The following ACSBG1 variants were observed in gnomAD, a reference collection of about 807,000 sequenced individuals.
The protein encoded by ACSBG1 is long-chain-fatty-acid--CoA ligase ACSBG1.
A neutral mutation model predicts 80.2 loss-of-function variants in ACSBG1; 39 were observed. That is an observed-to-expected ratio of 0.49 (90% confidence interval 0.38 to 0.64). The LOEUF (loss-of-function observed/expected upper bound fraction) is 0.64, where lower values mean the gene tolerates loss of function less well. ACSBG1 is among the 30% of genes least tolerant of loss of function. The pLI is 0.00. For synonymous variants in ACSBG1, 392 were observed against 379.5 expected (o/e 1.03, Z -0.38); for missense variants, 828 against 966.4 (o/e 0.86, Z 1.90).
At chr15:78,212,144 T>C (rs2075272123) in intron 1 of ACSBG1, among the ~76,000 whole-genome samples, 1 of 152,204 alleles carries the variant, frequency 6.6e-6, no homozygotes, top group Non-Finnish European at 1.5e-5. Flanking sequence ...CTGTTGTGTA[T>C]GAAGTAGGTG....
At chr15:78,187,039 C>T (rs2075011244) in intron 5 of ACSBG1, among the ~76,000 whole-genome samples, 2 of 152,136 alleles carry the variant, frequency 1.3e-5, no homozygotes, top group Non-Finnish European at 2.9e-5. Flanking sequence ...GAGAATACTA[C>T]AAACACCTCT....
chr15:78,180,562 G>A (rs749468575), intron 9 of ACSBG1, among the ~76,000 whole-genome samples, 193 bp downstream of exon 9: 12 of 152,110 alleles, frequency 7.9e-5, no homozygotes, highest in African/African-American at 1.2e-4. Flanking sequence ...AAGGTGGAGC[G>A]ACTGTCCCCA....
In ACSBG1 at chr15:78,172,046, C is replaced by T; in HGVS notation, c.2090-517G>A. The T allele has an allele frequency of 6.5e-6, 1 of 152,960 alleles. No homozygotes were observed. The highest frequency in any genetic ancestry group is 1.5e-5 in the Non-Finnish European group (1 of 68,484). 9.5% of individuals were successfully genotyped at this position (152,960 alleles called of 1,614,324 possible). A position where few individuals can be genotyped will look rare whatever the true frequency, so the allele number is the denominator to read the frequency against. ...CACAGCCCATGAGAGGCCCACTGGC[C>T]ACACACGGATGTTTCTGGCCAGCAG... On this transcript the variant is annotated intron_variant, in intron 13 of 13. Coordinates refer to ENST00000258873, the MANE Select transcript of ACSBG1 (RefSeq NM_015162.5). The surrounding 1 kb of genome is among the most constrained non-coding windows in gnomAD (Gnocchi z 4.1).
chr15:78,233,792 ATGGACAGGGCCTGGGCCAGGGTGGGCAT>A (rs2075469629), intron 1 of ACSBG1, among the ~76,000 whole-genome samples: 1 of 152,194 alleles, frequency 6.6e-6, no homozygotes, highest in African/African-American at 2.4e-5. Flanking sequence ...TACTCCCTGG[ATGGACAGGGCCTGGGCCAGGGTGGGCAT>A]TGGTGAATGC....
intron 2 of ACSBG1, among the ~76,000 whole-genome samples, chr15:78,195,655 C>T (rs935761705): frequency 6.6e-6 from 1 of 152,176 alleles, no homozygotes; most frequent in African/African-American, 2.4e-5. Context: ...ATGGCTGGTG[C>T]TCCATAAATG....
At chr15:78,198,876 G>A (rs2075140209) in intron 2 of ACSBG1, among the ~76,000 whole-genome samples, 1 of 152,168 alleles carries the variant, frequency 6.6e-6, no homozygotes. Context: ...AAATGCTCAT[G>A]GGACCAGGCG....
At position 78,171,213 on chromosome 15, in the gene ACSBG1, A is replaced by G; in HGVS notation, c.*231T>C. The G allele has an allele frequency of 7.7e-6, 3 of 387,414 alleles. No individual in the cohort carries two copies. In the South Asian group the frequency reaches 1.1e-4, roughly 15 times the overall value. The allele number at this position is 387,414 out of a possible 1,614,324, so 24.0% of individuals were successfully genotyped here. A position where few individuals can be genotyped will look rare whatever the true frequency, so the allele number is the denominator to read the frequency against. ...AGCTGATCTCATTTGTCACCTGAAC[A>G]AAAAGCAATACTTAAACTGAATTAA... On this transcript the variant is annotated 3_prime_UTR_variant, in exon 14 of 14. Coordinates refer to ENST00000258873, the MANE Select transcript of ACSBG1 (RefSeq NM_015162.5).
chr15:78,227,798 G>T (rs909719822), intron 1 of ACSBG1, among the ~76,000 whole-genome samples: 3 of 152,208 alleles, frequency 2.0e-5, no homozygotes, highest in African/African-American at 7.2e-5. Context: ...GAATTCTACT[G>T]AAACGTACAG....
chr15:78,196,991 G>C (rs1177492550), intron 2 of ACSBG1, among the ~76,000 whole-genome samples: 5 of 151,940 alleles, frequency 3.3e-5, no homozygotes, highest in African/African-American at 1.2e-4. Flanking sequence ...TTGAGTATGG[G>C]AGGTCAAGGC....
chr15:78,216,324 G>A (rs1378075269), intron 1 of ACSBG1, among the ~76,000 whole-genome samples: 1 of 152,156 alleles, frequency 6.6e-6, no homozygotes, highest in African/African-American at 2.4e-5. Flanking sequence ...TGCATTCTTT[G>A]CAGGGTTGCT....
chr15:78,220,446 G>A (rs749730604), intron 1 of ACSBG1, among the ~76,000 whole-genome samples: 10 of 151,962 alleles, frequency 6.6e-5, no homozygotes, highest in South Asian at 2.1e-4. Flanking sequence ...GTTAAAAAGC[G>A]CACAAACAAT....
chr15:78,194,264 C>G (rs1052463042), intron 3 of ACSBG1, among the ~76,000 whole-genome samples: 2 of 152,246 alleles, frequency 1.3e-5, no homozygotes, highest in Admixed American at 6.5e-5. Flanking sequence ...TCCAGCCCAC[C>G]CTGAATGTGA....
intron 13 of ACSBG1, among the ~76,000 whole-genome samples, chr15:78,173,363 AAAAAAAG>A (rs1168096540): frequency 2.6e-5 from 4 of 151,210 alleles, no homozygotes; most frequent in African/African-American, 9.7e-5. Flanking sequence ...AAAAAAAAAA[AAAAAAAG>A]GAAGTTCTAG....
chr15:78,207,917 T>TCCCCCCCCCCCCCCCCCCCACCCCCCCCC, intron 2 of ACSBG1, 85 bp downstream of exon 2: 1 of 876,066 alleles, frequency 1.1e-6, no homozygotes, highest in East Asian at 2.7e-5. Flanking sequence ...TGTGTGGTGG[T>TCCCCCCCCCCCCCCCCCCCACCCCCCCCC]CCCCCACACC....
At position 78,182,548 on chromosome 15, in the gene ACSBG1, T is replaced by C; in HGVS notation, c.812A>G (p.Gln271Arg). Residue 271 changes from glutamine to arginine, a missense_variant, in exon 7 of 14, where the codon CAG becomes CGG. Transcript: ENST00000258873. ...EEALDAIIDT[Q>R]QPNQCCVLVY... Reference sequence around the variant, plus strand: ...TAGCACACAGCACTGGTTGGGCTGCTGGGTGTCAATGATGGCGTCCAGGGC... The same window carrying C: ...TAGCACACAGCACTGGTTGGGCTGCCGGGTGTCAATGATGGCGTCCAGGGC... The C allele has an allele frequency of 6.2e-7, 1 of 1,614,060 alleles. No individual in the cohort carries two copies. The highest frequency in any genetic ancestry group is 8.5e-7 in the Non-Finnish European group (1 of 1,179,988).
intron 2 of ACSBG1, among the ~76,000 whole-genome samples, chr15:78,205,198 T>C (rs1426034017): frequency 6.6e-6 from 1 of 151,926 alleles, no homozygotes; most frequent in East Asian, 1.9e-4. Context: ...AAGGCTGCCT[T>C]TGTGTGAAGG....
At chr15:78,230,306 C>A (rs2075435990) in intron 1 of ACSBG1, among the ~76,000 whole-genome samples, 1 of 152,230 alleles carries the variant, frequency 6.6e-6, no homozygotes, top group African/African-American at 2.4e-5. Context: ...CACTGGGATC[C>A]AGCCCTGCAA....
intron 1 of ACSBG1, among the ~76,000 whole-genome samples, chr15:78,210,005 C>G (rs1474112964): frequency 6.6e-6 from 1 of 152,244 alleles, no homozygotes; most frequent in Admixed American, 6.5e-5. Context: ...AATGAAAAGA[C>G]AGCCACCAAA....
In ACSBG1 at chr15:78,168,961, G is replaced by C; in HGVS notation, c.*2483C>G. 6.2e-7 allele frequency: 1 copy of C among 1,604,744 alleles called. No individual in the cohort carries two copies. The highest frequency in any genetic ancestry group is 2.2e-5 in the East Asian group (1 of 44,702). ...TTTGGGAGGCAATGCAAAATGCTCA[G>C]ACTTCACAGAGGAAATCTGTCGCCG... On this transcript the variant is annotated 3_prime_UTR_variant, in exon 14 of 14. Transcript: ENST00000258873.
Sources: gnomAD v4.1 joint callset for allele counts (sites outside exome capture counted in the v4.1 genomes callset) on GRCh38, gnomAD v4.1.1 for gene constraint, Gnocchi (gnomAD v3.1) non-coding constraint, MANE v1.5 for transcripts, NCBI Gene and HGNC (gene_info 2026-07-23, HGNC 2026-07-21) for gene names.